PDE9A: variants seen among roughly 807,000 people sequenced by gnomAD.
PDE9A encodes phosphodiesterase 9A.
PDE9A carries 60 observed loss-of-function variants against 87.4 expected under a neutral mutation model. The ratio of observed to expected loss-of-function variants is 0.69; its 90% CI spans 0.56 to 0.85. The LOEUF (loss-of-function observed/expected upper bound fraction) is 0.85. Ranked by LOEUF, PDE9A falls within the 40% of genes least tolerant of loss-of-function variation. The pLI is 0.00. For synonymous variants in PDE9A, 272 were observed against 279.4 expected, an observed-to-expected ratio of 0.97 and a Z score of 0.27; for missense variants, 665 against 779.0, an observed-to-expected ratio of 0.85 and a Z score of 1.74.
At chr21:42,688,616 A>G (rs2059611384) in intron 3 of PDE9A, among the ~76,000 whole-genome samples, 1 of 152,148 alleles carries the variant, frequency 6.6e-6, no homozygotes, top group African/African-American at 2.4e-5. Context: ...AGCAGCCTCC[A>G]CTGCTCTTTG....
chr21:42,733,487 C>T (rs990404725), intron 7 of PDE9A, 61 bp downstream of exon 7: 2 of 960,972 alleles, frequency 2.1e-6, no homozygotes, highest in African/African-American at 1.6e-5. Flanking sequence ...TCAAATTAAC[C>T]ACTTGGAACG....
chr21:42,663,564 G>T (rs2057753332), intron 1 of PDE9A, among the ~76,000 whole-genome samples: 1 of 152,176 alleles, frequency 6.6e-6, no homozygotes, highest in Non-Finnish European at 1.5e-5. Flanking sequence ...AGCTTGGAGG[G>T]TATGGGCTGA....
In PDE9A at chr21:42,675,463, G is replaced by T. The variant is rs1030547983; in HGVS notation, c.70-10729G>T. Among the ~76,000 whole-genome samples, 1 of 152,210 alleles carries T rather than the reference G, an allele frequency of 6.6e-6. No individual in the cohort carries two copies. The highest frequency in any genetic ancestry group is 2.4e-5 in the African/African-American group (1 of 41,442). ...GTGGAAAGCACCAGAATGGTGCCTG[G>T]CACTTAATAAATGCTCTTATTAGTA... On this transcript the variant is annotated intron_variant, in intron 1 of 19. Transcript: ENST00000291539. This position sits in a 1 kb window ranked among gnomAD's most constrained non-coding sequence, Gnocchi z 4.3.
rs745331904 is a variant in PDE9A, at chr21:42,751,112, C to G, written c.654-4C>G. The G allele has an allele frequency of 1.3e-6, 2 of 1,596,632 alleles. No homozygotes were observed. Among genetic ancestry groups the G allele is most frequent in the South Asian group, 2.2e-5 (2 of 90,714 alleles). ...CACAGCTCATCTCTGCTCCTTCTCT[C>G]TAGGACCAACTGCCCCTGTAAGTAC... On this transcript the variant is annotated splice_polypyrimidine_tract_variant and splice_region_variant and intron_variant, in intron 8 of 19. Coordinates refer to ENST00000291539, the MANE Select transcript of PDE9A (RefSeq NM_002606.3).
At chr21:42,721,743 C>T (rs956349989) in intron 4 of PDE9A, among the ~76,000 whole-genome samples, 1 of 152,078 alleles carries the variant, frequency 6.6e-6, no homozygotes, top group African/African-American at 2.4e-5. Context: ...CACCCCACCC[C>T]TCGCTGACAG....
intron 17 of PDE9A, among the ~76,000 whole-genome samples, chr21:42,769,645 G>GGCACACAAATGC (rs1569280239): frequency 2.7e-5 from 1 of 37,006 alleles, no homozygotes; most frequent in Non-Finnish European, 4.6e-5. Flanking sequence ...CACACACAGG[G>GGCACACAAATGC]ACACACAGGC....
In PDE9A at chr21:42,713,098, C is replaced by T. The variant is rs150477443; in HGVS notation, c.262+14087C>T. 1.1e-3 allele frequency among the ~76,000 whole-genome samples: 160 copies of T among 152,150 alleles called. 1 individual carries two copies. The highest frequency in any genetic ancestry group is 3.6e-3 in the African/African-American group (151 of 41,494). The stretch of plus-strand genomic sequence containing the variant: ...ATGTAACAAAGTATATGTAGGCCCT[C>T]TCCCTGGTGTGTTTGCTTTTTATGT... On this transcript the variant is annotated intron_variant, in intron 4 of 19. Transcript: ENST00000291539.
chr21:42,692,398 C>T lies in PDE9A; in HGVS notation c.218+4404C>T, dbSNP rs915734510. On this transcript the variant is annotated intron_variant, in intron 3 of 19. Coordinates refer to ENST00000291539, the MANE Select transcript of PDE9A (RefSeq NM_002606.3). The surrounding 1 kb of genome is among the most constrained non-coding windows in gnomAD (Gnocchi z 4.3). ...AGGACAGGCCCACAACAATGACACACGTGGCCGGAGACATCAGCGGTGCTG... is the reference window on the plus strand; with the variant it reads ...AGGACAGGCCCACAACAATGACACATGTGGCCGGAGACATCAGCGGTGCTG... 3.9e-5 allele frequency among the ~76,000 whole-genome samples: 6 copies of T among 152,196 alleles called. No individual in the cohort carries two copies. The highest frequency in any genetic ancestry group is 4.8e-5 in the African/African-American group (2 of 41,450).
intron 1 of PDE9A, among the ~76,000 whole-genome samples, chr21:42,670,198 CACACATACACTT>C (rs371188929): frequency 2.9e-5 from 4 of 135,964 alleles, no homozygotes; most frequent in African/African-American, 1.5e-4. Context: ...CACACATTCA[CACACATACACTT>C]ACATTCACAC....
At chr21:42,770,910 C>A in intron 18 of PDE9A, 112 bp downstream of exon 18, 1 of 737,720 alleles carries the variant, frequency 1.4e-6, no homozygotes, top group South Asian at 1.5e-5. Context: ...CTGAAGGCCC[C>A]GTGGACAGGC....
At chr21:42,664,532 A>G (rs2057829472) in intron 1 of PDE9A, among the ~76,000 whole-genome samples, 1 of 152,252 alleles carries the variant, frequency 6.6e-6, no homozygotes, top group Non-Finnish European at 1.5e-5. Context: ...ACCAAAGCAG[A>G]CCTGGAGCAA....
At position 42,662,604 on chromosome 21, in the gene PDE9A, GCACACACAC is replaced by G. The variant is rs557482694; in HGVS notation, c.69+8738_69+8746del. On this transcript the variant is annotated intron_variant, in intron 1 of 19. Transcript: ENST00000291539. ...CCAAGCACACGCACATCATACACAT[GCACACACAC>G]CACACACACCACACACCACACACAC... 3.9e-3 allele frequency among the ~76,000 whole-genome samples: 492 copies of G among 126,008 alleles called. 3 individuals are homozygous for G. The highest frequency in any genetic ancestry group is 0.013 in the African/African-American group (409 of 31,864). 82.7% of individuals were successfully genotyped at this position (126,008 alleles called of 152,430 possible).
At position 42,754,726 on chromosome 21, in the gene PDE9A, TAGTG is replaced by T. The variant is rs573770132; in HGVS notation, c.810+666_810+669del. Among the ~76,000 whole-genome samples, 694 of 152,326 alleles carry T rather than the reference TAGTG, an allele frequency of 4.6e-3. 4 individuals carry two copies. The highest frequency in any genetic ancestry group is 6.1e-3 in the Non-Finnish European group (416 of 68,022). Reference sequence around the variant, plus strand: ...AGTTTTCCCCATACTGTTCTCGTGATAGTGAGTAAGTCTCACGAGATCTGATGGT... The same window carrying T: ...AGTTTTCCCCATACTGTTCTCGTGATAGTAAGTCTCACGAGATCTGATGGT... On this transcript the variant is annotated intron_variant, in intron 10 of 19. Transcript: ENST00000291539.
chr21:42,751,559 C>CA (rs1485506953), intron 9 of PDE9A, among the ~76,000 whole-genome samples: 6 of 152,134 alleles, frequency 3.9e-5, no homozygotes, highest in African/African-American at 1.4e-4. Context: ...TGTCTCTGAG[C>CA]AATTCTTAGT....
In PDE9A at chr21:42,775,327, G is replaced by T. The variant is rs779225093; in HGVS notation, c.*34G>T. On this transcript the variant is annotated 3_prime_UTR_variant, in exon 20 of 20. Transcript: ENST00000291539. ...GGGGGCGTGGCTGCAGTTCTGGACG[G>T]GCTGGCCGAGCTGCGCGGGATCCTT... The T allele has an allele frequency of 3.7e-6, 6 of 1,605,010 alleles. No homozygotes were observed. The South Asian group carries it at 6.7e-5, about 18-fold the overall frequency.
chr21:42,765,132 T>C (rs929718777), intron 14 of PDE9A, among the ~76,000 whole-genome samples: 1 of 151,306 alleles, frequency 6.6e-6, no homozygotes, highest in African/African-American at 2.4e-5. Flanking sequence ...GATAAATGGA[T>C]GGAAGGGCAG....
intron 1 of PDE9A, among the ~76,000 whole-genome samples, chr21:42,670,517 CAG>C (rs2058466806): frequency 6.9e-6 from 1 of 144,816 alleles, no homozygotes; most frequent in African/African-American, 2.5e-5. Flanking sequence ...TTCACACACA[CAG>C]GCAATCACAC....
Position 42,760,314 on chromosome 21 carries a change from C to T in PDE9A, c.898-14C>T. 6.5e-7 allele frequency: 1 copy of T among 1,548,416 alleles called. No homozygotes were observed. ...CCCAGGCACAGGGTGACTCGGACCC[C>T]CTGCCTCCCGCAGTTCTGCGTCCAC... On this transcript the variant is annotated splice_polypyrimidine_tract_variant and intron_variant, in intron 11 of 19. Transcript: ENST00000291539. The surrounding 1 kb of genome is among the most constrained non-coding windows in gnomAD (Gnocchi z 5.2).
chr21:42,751,314 A>G, intron 9 of PDE9A, 117 bp downstream of exon 9: 1 of 773,566 alleles, frequency 1.3e-6, no homozygotes, highest in Non-Finnish European at 2.3e-6. Flanking sequence ...CGCCCCTCCC[A>G]GCCCTGGGCC....
Sources: allele counts gnomAD v4.1 joint callset (sites outside exome capture counted in the v4.1 genomes callset), GRCh38; gene constraint gnomAD v4.1.1; non-coding constraint Gnocchi (gnomAD v3.1); transcripts MANE v1.5; gene names NCBI Gene and HGNC (gene_info 2026-07-23, HGNC 2026-07-21).